APBA1: variants seen among roughly 807,000 people sequenced by gnomAD.
APBA1 encodes amyloid-beta A4 precursor protein-binding family A member 1.
In APBA1, 55 loss-of-function variants were observed where a neutral mutation model predicts 86.6. That is an observed-to-expected ratio of 0.64 (90% CI 0.51 to 0.80). The LOEUF is 0.80. Ranked by LOEUF, APBA1 falls within the 30% of genes least tolerant of loss-of-function variation. The pLI, the probability that APBA1 is intolerant of heterozygous loss-of-function variation, is 0.00. For synonymous variants in APBA1, 511 were observed against 493.9 expected (o/e 1.03, Z -0.46); for missense variants, 1,090 against 1,183.0 (o/e 0.92, Z 1.15).
chr9:69,442,724 T>TAAATAG (rs1834845487), intron 10 of APBA1, among the ~76,000 whole-genome samples: 1 of 152,234 alleles, frequency 6.6e-6, no homozygotes, highest in Admixed American at 6.5e-5. Context: ...TCTTATTCTA[T>TAAATAG]AAATAGAATT....
At chr9:69,563,415 A>G (rs1360817846) in intron 1 of APBA1, among the ~76,000 whole-genome samples, 2 of 152,226 alleles carry the variant, frequency 1.3e-5, no homozygotes, top group Non-Finnish European at 2.9e-5. Context: ...TCCCAGTATG[A>G]GCACAACTTT....
chr9:69,549,674 A>G (rs1369508731), intron 1 of APBA1, among the ~76,000 whole-genome samples: 7 of 152,206 alleles, frequency 4.6e-5, no homozygotes, highest in African/African-American at 1.7e-4. Flanking sequence ...AATTCGATTC[A>G]TATCAATTCA....
At chr9:69,655,738 C>T (rs1223975737) in intron 1 of APBA1, among the ~76,000 whole-genome samples, 2 of 151,610 alleles carry the variant, frequency 1.3e-5, no homozygotes, top group African/African-American at 4.9e-5. Context: ...CATATGGAAC[C>T]ACAAAAGACT....
At chr9:69,448,793 T>A (rs903903228) in intron 10 of APBA1, among the ~76,000 whole-genome samples, 4 of 152,162 alleles carry the variant, frequency 2.6e-5, no homozygotes, top group Non-Finnish European at 5.9e-5. Context: ...ACCGCAGCAC[T>A]TGGTGCAGAG....
intron 1 of APBA1, among the ~76,000 whole-genome samples, chr9:69,664,375 G>A (rs538241639): frequency 9.2e-5 from 14 of 152,232 alleles, no homozygotes; most frequent in South Asian, 8.3e-4. Context: ...TAAAACAAAC[G>A]TTCTTACATT....
intron 1 of APBA1, among the ~76,000 whole-genome samples, chr9:69,663,818 T>TA (rs1180307236): frequency 6.6e-6 from 1 of 152,156 alleles, no homozygotes; most frequent in East Asian, 1.9e-4. Context: ...TCACTTTACA[T>TA]ATACAAAAAG....
chr9:69,631,822 C>T (rs551618733), intron 1 of APBA1, among the ~76,000 whole-genome samples: 15 of 152,238 alleles, frequency 9.9e-5, no homozygotes, highest in African/African-American at 3.4e-4. Flanking sequence ...AACCAAATGC[C>T]GCATGTTCTC....
intron 5 of APBA1, chr9:69,463,428 A>G (rs1835223899): frequency 6.6e-6 from 1 of 152,234 alleles, no homozygotes; most frequent in East Asian, 1.9e-4. Context: ...TGGCAAAGGA[A>G]TCTTGTAAAT....
chr9:69,497,196 A>G (rs1343549274), intron 2 of APBA1, among the ~76,000 whole-genome samples: 1 of 152,000 alleles, frequency 6.6e-6, no homozygotes, highest in Non-Finnish European at 1.5e-5. Flanking sequence ...CTCATCAATA[A>G]TGGATAACAC....
chr9:69,581,282 G>A (rs1189080730), intron 1 of APBA1, among the ~76,000 whole-genome samples: 3 of 152,098 alleles, frequency 2.0e-5, no homozygotes, highest in Admixed American at 2.0e-4. Context: ...TATTATTTCT[G>A]TTGCAAGTGA....
At chr9:69,569,490 T>C (rs1837082607) in intron 1 of APBA1, among the ~76,000 whole-genome samples, 1 of 142,050 alleles carries the variant, frequency 7.0e-6, no homozygotes, top group Non-Finnish European at 1.5e-5. Context: ...TGTGTGTGTG[T>C]TACTGGCATC....
chr9:69,465,947 G>T (rs1446831035), intron 5 of APBA1, among the ~76,000 whole-genome samples: 1 of 152,208 alleles, frequency 6.6e-6, no homozygotes, highest in African/African-American at 2.4e-5. Flanking sequence ...GGAACTAAAA[G>T]GTCCTGTCAG....
Position 69,658,343 on chromosome 9 carries a change from TTTC to T in APBA1, c.-70+13807_-70+13809del, listed in dbSNP as rs1483924058. 3.7e-4 allele frequency among the ~76,000 whole-genome samples: 55 copies of T among 146,954 alleles called. 1 individual carries two copies. Among genetic ancestry groups the T allele is most frequent in the African/African-American group, 1.3e-3 (53 of 40,000 alleles). ...CTTTCTTTCTTTCTTTCTTTCTTTC[TTTC>T]TTTCTTTCTTTCTGTGTTTCTCTGT... is the stretch of plus-strand genomic sequence containing the variant. On this transcript the variant is annotated intron_variant, in intron 1 of 12. Coordinates refer to ENST00000265381, the MANE Select transcript of APBA1 (RefSeq NM_001163.4).
chr9:69,647,485 C>G (rs1029671852), intron 1 of APBA1, among the ~76,000 whole-genome samples: 4 of 152,174 alleles, frequency 2.6e-5, no homozygotes, highest in African/African-American at 9.7e-5. Flanking sequence ...CTTTAAAAGC[C>G]ACAGTAAAGT....
chr9:69,528,720 G>A (rs1238063482), intron 1 of APBA1, among the ~76,000 whole-genome samples: 1 of 151,618 alleles, frequency 6.6e-6, no homozygotes, highest in Non-Finnish European at 1.5e-5. Context: ...AAATCACCAG[G>A]TACAATCAAT....
At chr9:69,481,442 T>C (rs1835506681) in intron 2 of APBA1, among the ~76,000 whole-genome samples, 1 of 151,936 alleles carries the variant, frequency 6.6e-6, no homozygotes, top group African/African-American at 2.4e-5. Flanking sequence ...CAAGGAGAAC[T>C]ACAAACCACT....
chr9:69,483,204 G>C (rs1331144610), intron 2 of APBA1, among the ~76,000 whole-genome samples: 4 of 150,414 alleles, frequency 2.7e-5, no homozygotes, highest in African/African-American at 9.8e-5. Context: ...CTGAGAGGAA[G>C]GCTGCGCTGC....
At chr9:69,588,927 C>T (rs932693634) in intron 1 of APBA1, among the ~76,000 whole-genome samples, 1 of 152,068 alleles carries the variant, frequency 6.6e-6, no homozygotes, top group Admixed American at 6.6e-5. Flanking sequence ...CTATAAGGGG[C>T]TTGAGGGGAA....
At chr9:69,517,988 G>A (rs1183019976) in intron 1 of APBA1, among the ~76,000 whole-genome samples, 1 of 152,132 alleles carries the variant, frequency 6.6e-6, no homozygotes, top group African/African-American at 2.4e-5. Context: ...CAGGACACAG[G>A]GTTTCCCTAA....
Sources: allele counts gnomAD v4.1 joint callset (sites outside exome capture counted in the v4.1 genomes callset), GRCh38; gene constraint gnomAD v4.1.1; transcripts MANE v1.5; gene names NCBI Gene and HGNC (gene_info 2026-07-23, HGNC 2026-07-21).